DYNC2H1: variants seen among roughly 807,000 people sequenced by gnomAD.
The protein encoded by DYNC2H1 is dynein cytoplasmic 2 heavy chain 1.
A neutral mutation model predicts 570.0 loss-of-function variants in DYNC2H1; 410 were observed. That is an observed-to-expected ratio of 0.72 (90% CI 0.66 to 0.78). The LOEUF is 0.78. DYNC2H1 is among the 30% of genes least tolerant of loss of function. The pLI is 0.00. For synonymous variants in DYNC2H1, 1,688 were observed against 1,677.6 expected (o/e 1.01, Z -0.15); for missense variants, 4,865 against 5,046.4 (o/e 0.96, Z 1.09).
chr11:103,341,320 C>A (rs1253950731), intron 82 of DYNC2H1, among the ~76,000 whole-genome samples: 1 of 152,084 alleles, frequency 6.6e-6, no homozygotes, highest in African/African-American at 2.4e-5. Flanking sequence ...CAGCTTTTTT[C>A]TTTTCTTCCC....
Position 103,264,122 on chromosome 11 carries a change from C to T in DYNC2H1, c.10695+4145C>T, listed in dbSNP as rs1865419723. 6.6e-6 allele frequency among the ~76,000 whole-genome samples: 1 copy of T among 152,072 alleles called. No homozygotes were observed. The highest frequency in any genetic ancestry group is 2.4e-5 in the African/African-American group (1 of 41,396). On this transcript the variant is annotated intron_variant, in intron 70 of 88. Coordinates refer to ENST00000375735, the MANE Select transcript of DYNC2H1 (RefSeq NM_001377.3). This position sits in a 1 kb window ranked among gnomAD's most constrained non-coding sequence, Gnocchi z 4.8. ...AAATCTAGAAGAAATGGATAAATTC[C>T]TGGACACATACACCCTCCCAAGACT... is the stretch of plus-strand genomic sequence containing the variant.
At chr11:103,332,614 A>G (rs1388507967) in intron 82 of DYNC2H1, among the ~76,000 whole-genome samples, 1 of 152,244 alleles carries the variant, frequency 6.6e-6, no homozygotes. Context: ...CATTCAAGTC[A>G]GAAGATAATG....
chr11:103,464,336 A>G (rs548735256), intron 87 of DYNC2H1, among the ~76,000 whole-genome samples: 3 of 148,180 alleles, frequency 2.0e-5, no homozygotes, highest in Non-Finnish European at 3.0e-5. Context: ...TGAAGAAGAC[A>G]TGATAAATTG....
intron 67 of DYNC2H1, 106 bp downstream of exon 67, chr11:103,255,640 A>G (rs956471004): frequency 1.7e-6 from 2 of 1,210,424 alleles, no homozygotes; most frequent in African/African-American, 3.2e-5. Flanking sequence ...TTTTTTTTCC[A>G]AAGACATATT....
chr11:103,386,471 A>C (rs1360450923), intron 83 of DYNC2H1, among the ~76,000 whole-genome samples: 1 of 134,806 alleles, frequency 7.4e-6, no homozygotes, highest in Non-Finnish European at 1.6e-5. Context: ...CACACACAAA[A>C]GTATTTTGGG....
rs1389092023 is a variant in DYNC2H1, at chr11:103,470,598, A to T, written c.12765+1893A>T. 2.0e-5 allele frequency among the ~76,000 whole-genome samples: 3 copies of T among 152,110 alleles called. No individual in the cohort carries two copies. The East Asian group carries it at 5.8e-4, about 29-fold the overall frequency. ...ACCCCACAACAGTCCCTAGAGTGTGATGTTCCCCTTCCTGTGTCCATGTGT... is the reference window on the plus strand; with the variant it reads ...ACCCCACAACAGTCCCTAGAGTGTGTTGTTCCCCTTCCTGTGTCCATGTGT... On this transcript the variant is annotated intron_variant, in intron 88 of 88. Coordinates refer to ENST00000375735, the MANE Select transcript of DYNC2H1 (RefSeq NM_001377.3).
chr11:103,205,044 T>A lies in DYNC2H1; in HGVS notation c.8454+80T>A, dbSNP rs1862872780. 1 of 1,363,270 alleles carries A rather than the reference T, an allele frequency of 7.3e-7. No homozygotes were observed. The highest frequency in any genetic ancestry group is 2.5e-5 in the East Asian group (1 of 39,364). The allele number at this position is 1,363,270 out of a possible 1,614,324, so 84.4% of individuals were successfully genotyped here. On this transcript the variant is annotated intron_variant, in intron 52 of 88. Transcript: ENST00000375735. This position sits in a 1 kb window ranked among gnomAD's most constrained non-coding sequence, Gnocchi z 4.5. ...TGATTTTCACAACTTCTCTTTGGTG[T>A]TGGTTATAACATCACCTTAATTATG... is the stretch of plus-strand genomic sequence containing the variant.
intron 55 of DYNC2H1, among the ~76,000 whole-genome samples, chr11:103,218,263 A>G (rs1326707322): frequency 4.6e-5 from 7 of 152,230 alleles, no homozygotes; most frequent in Non-Finnish European, 1.0e-4. Context: ...GAAGCATTAC[A>G]CTTAAGCGAA....
At chr11:103,180,100 T>A (rs1428972329) in intron 39 of DYNC2H1, among the ~76,000 whole-genome samples, 1 of 151,666 alleles carries the variant, frequency 6.6e-6, no homozygotes, top group African/African-American at 2.4e-5. Flanking sequence ...CAATTGATAT[T>A]TTGAGGTATT....
chr11:103,193,021 C>T (rs1378684598), intron 47 of DYNC2H1, among the ~76,000 whole-genome samples: 1 of 152,130 alleles, frequency 6.6e-6, no homozygotes, highest in East Asian at 1.9e-4. Context: ...CCAACATATA[C>T]ATTTAGTATA....
intron 85 of DYNC2H1, among the ~76,000 whole-genome samples, chr11:103,442,166 C>T (rs538411866): frequency 2.6e-5 from 4 of 151,908 alleles, no homozygotes; most frequent in South Asian, 2.1e-4. Flanking sequence ...TTTATTCATT[C>T]GGTGAATATT....
intron 73 of DYNC2H1, among the ~76,000 whole-genome samples, chr11:103,283,397 T>C (rs1309285633): frequency 1.3e-5 from 2 of 152,152 alleles, no homozygotes; most frequent in East Asian, 3.8e-4. Flanking sequence ...GAAGCTTAAC[T>C]CTCAACAATT....
chr11:103,265,946 T>C (rs1239187019), intron 70 of DYNC2H1, among the ~76,000 whole-genome samples: 1 of 152,196 alleles, frequency 6.6e-6, no homozygotes, highest in African/African-American at 2.4e-5. Context: ...GGGCCAGCGC[T>C]CATCTCCCAT....
chr11:103,139,761 G>A (rs1591302844), intron 17 of DYNC2H1, among the ~76,000 whole-genome samples: 1 of 151,894 alleles, frequency 6.6e-6, no homozygotes, highest in African/African-American at 2.4e-5. Context: ...TTCAATTCCT[G>A]GGTATCCTTG....
intron 65 of DYNC2H1, among the ~76,000 whole-genome samples, chr11:103,250,379 A>AC (rs1864782468): frequency 6.6e-6 from 1 of 151,978 alleles, no homozygotes; most frequent in African/African-American, 2.4e-5. Context: ...TTCACAGGGG[A>AC]CATATGCAGG....
chr11:103,200,615 T>C (rs654550), intron 50 of DYNC2H1, among the ~76,000 whole-genome samples: 91,026 of 151,910 alleles, frequency 0.6, 27,573 homozygotes, highest in Admixed American at 0.69. Flanking sequence ...AGTGGCATGG[T>C]TGTATAACTA....
chr11:103,300,961 A>G (rs185910842), intron 75 of DYNC2H1, among the ~76,000 whole-genome samples: 6 of 152,012 alleles, frequency 3.9e-5, no homozygotes, highest in African/African-American at 1.2e-4. Context: ...TGTATAATAC[A>G]TGGTAATTAC....
At chr11:103,291,985 G>A (rs142163616) in intron 75 of DYNC2H1, among the ~76,000 whole-genome samples, 60 of 152,054 alleles carry the variant, frequency 3.9e-4, no homozygotes, top group Non-Finnish European at 7.5e-4. Flanking sequence ...CATAAAGTTG[G>A]GTCTTATTTT....
At position 103,305,394 on chromosome 11, in the gene DYNC2H1, A is replaced by G. The variant is rs1379926739; in HGVS notation, c.11382+674A>G. Among the ~76,000 whole-genome samples, 2 of 152,080 alleles carry G rather than the reference A, an allele frequency of 1.3e-5. No individual in the cohort carries two copies. Among genetic ancestry groups the G allele is most frequent in the Non-Finnish European group, 2.9e-5 (2 of 68,026 alleles). On this transcript the variant is annotated intron_variant, in intron 77 of 88. Coordinates refer to ENST00000375735, the MANE Select transcript of DYNC2H1 (RefSeq NM_001377.3). The surrounding 1 kb of genome is among the most constrained non-coding windows in gnomAD (Gnocchi z 4.3). ...TCCACCCCTAGTACAAGGAATGAAG[A>G]GATGTCCTTGATAGTACTAGACGGG...
Sources: allele counts gnomAD v4.1 joint callset (sites outside exome capture counted in the v4.1 genomes callset), GRCh38; gene constraint gnomAD v4.1.1; non-coding constraint Gnocchi (gnomAD v3.1); transcripts MANE v1.5; gene names NCBI Gene and HGNC (gene_info 2026-07-23, HGNC 2026-07-21).